The following CCDC7 variants were observed in gnomAD, a reference collection of about 807,000 sequenced individuals.
CCDC7 encodes coiled-coil domain containing 7.
A neutral mutation model predicts 196.9 loss-of-function variants in CCDC7; 183 were observed. The ratio of observed to expected loss-of-function variants is 0.93; its 90% CI spans 0.82 to 1.05. CCDC7 has a LOEUF of 1.05. Among genes scored for constraint, CCDC7 ranks in the 50% least tolerant of loss-of-function variants. The pLI is 0.00. For missense variants in CCDC7, 1,540 were observed against 1,482.2 expected (o/e 1.04, Z -0.64); for synonymous variants, 525 against 484.6 (o/e 1.08, Z -1.10).
Position 32,491,907 on chromosome 10 carries a change from C to T in CCDC7, c.797-15C>T, listed in dbSNP as rs2042214067. 1 of 1,538,718 alleles carries T rather than the reference C, an allele frequency of 6.5e-7. No homozygotes were observed. On this transcript the variant is annotated splice_polypyrimidine_tract_variant and intron_variant, in intron 8 of 41. Coordinates refer to ENST00000639629, the Ensembl canonical transcript of CCDC7. ...TTTATAAAACCTTTAACATTTTTGA[C>T]TTTTTAAATAATAGAAACTGCTCAT...
At chr10:32,636,882 C>T (rs200355261) in intron 20 of CCDC7, among the ~76,000 whole-genome samples, 59,561 of 151,786 alleles carry the variant, frequency 0.39, 11,918 homozygotes, top group East Asian at 0.58. Flanking sequence ...ACATCCTCTC[C>T]AGCACCTGTT....
intron 21 of CCDC7, among the ~76,000 whole-genome samples, chr10:32,684,586 C>T (rs1213763619): frequency 6.6e-6 from 1 of 152,190 alleles, no homozygotes; most frequent in East Asian, 1.9e-4. Flanking sequence ...CCAAGGTGGC[C>T]TCCTGGATGA....
chr10:32,710,023 C>T (rs2080556122), intron 24 of CCDC7, among the ~76,000 whole-genome samples: 1 of 152,116 alleles, frequency 6.6e-6, no homozygotes, highest in Non-Finnish European at 1.5e-5. Flanking sequence ...GTTGTCAGAA[C>T]CCAAATAGAA....
chr10:32,809,301 G>A (rs544216089), intron 30 of CCDC7, among the ~76,000 whole-genome samples: 1 of 152,240 alleles, frequency 6.6e-6, no homozygotes, highest in South Asian at 2.1e-4. Flanking sequence ...CAATGAGGTA[G>A]AAGAGAACAC....
At chr10:32,872,171 CTG>C (rs911134897) in intron 41 of CCDC7, among the ~76,000 whole-genome samples, 1 of 152,082 alleles carries the variant, frequency 6.6e-6, no homozygotes, top group Non-Finnish European at 1.5e-5. Context: ...TGTTAACTTT[CTG>C]TCTCGTTGAT....
rs12773148 is a variant in CCDC7, at chr10:32,734,578, C to G, written c.2905+5121C>G. Among the ~76,000 whole-genome samples the G allele has an allele frequency of 3.6e-4, 55 of 152,108 alleles. 1 individual carries two copies. Among genetic ancestry groups the G allele is most frequent in the Admixed American group, 7.2e-4 (11 of 15,264 alleles). On this transcript the variant is annotated intron_variant, in intron 28 of 41. Coordinates refer to ENST00000639629, the Ensembl canonical transcript of CCDC7. ...ATGTAACAAACATTCACAGATACCC[C>G]CGAACCTAAAATGAAAGTTAAAAAT...
At position 32,875,946 on chromosome 10, in the gene CCDC7, T is replaced by C. The variant is rs61856633; in HGVS notation, c.4112-401T>C. Among the ~76,000 whole-genome samples, 748 of 152,178 alleles carry C rather than the reference T, an allele frequency of 4.9e-3. 3 individuals are homozygous for C. Among genetic ancestry groups the C allele is most frequent in the Non-Finnish European group, 7.5e-3 (513 of 67,972 alleles). ...TTCCAGTGAACTGGAACTTTTTGAA[T>C]GTCTCCATTAAGACTTCTTAAAGTG... is the stretch of plus-strand genomic sequence containing the variant. On this transcript the variant is annotated intron_variant, in intron 41 of 41. Transcript: ENST00000639629.
At chr10:32,758,411 T>G (rs530736772) in intron 28 of CCDC7, among the ~76,000 whole-genome samples, 1 of 152,248 alleles carries the variant, frequency 6.6e-6, no homozygotes, top group East Asian at 1.9e-4. Flanking sequence ...ATGATCAAGT[T>G]GGCTTCATCC....
chr10:32,831,539 C>A (rs2092169967), intron 32 of CCDC7, among the ~76,000 whole-genome samples: 1 of 152,024 alleles, frequency 6.6e-6, no homozygotes, highest in Non-Finnish European at 1.5e-5. Context: ...TACAGTTGTA[C>A]AAAAATATTT....
intron 20 of CCDC7, among the ~76,000 whole-genome samples, chr10:32,654,501 C>T (rs1564981816): frequency 6.6e-6 from 1 of 152,138 alleles, no homozygotes; most frequent in East Asian, 1.9e-4. Context: ...TTGATTAGTG[C>T]ATTTCTTGGA....
intron 24 of CCDC7, among the ~76,000 whole-genome samples, chr10:32,711,295 C>G (rs1054689008): frequency 6.6e-6 from 1 of 151,844 alleles, no homozygotes; most frequent in South Asian, 2.1e-4. Context: ...ACAAATAATG[C>G]TGTAATGAAT....
At chr10:32,543,239 A>G (rs928048661) in intron 11 of CCDC7, 61 bp from the exon 13 acceptor site, 1 of 1,257,956 alleles carries the variant, frequency 7.9e-7, no homozygotes, top group Non-Finnish European at 1.0e-6. Context: ...ATATTATCAT[A>G]TCTTTCTATA....
At chr10:32,464,336 A>C (rs2036315726) in intron 5 of CCDC7, among the ~76,000 whole-genome samples, 1 of 152,164 alleles carries the variant, frequency 6.6e-6, no homozygotes, top group Non-Finnish European at 1.5e-5. Context: ...TGTTGGTTGG[A>C]ACTCCTTCAA....
At chr10:32,658,812 T>C (rs1026440102) in intron 20 of CCDC7, among the ~76,000 whole-genome samples, 1 of 152,234 alleles carries the variant, frequency 6.6e-6, no homozygotes, top group African/African-American at 2.4e-5. Context: ...TTTATACATT[T>C]GTTCTAGATT....
At chr10:32,478,275 CAG>C (rs1293045684) in intron 8 of CCDC7, among the ~76,000 whole-genome samples, 6 of 152,140 alleles carry the variant, frequency 3.9e-5, no homozygotes, top group Non-Finnish European at 7.4e-5. Context: ...ATCTAACAGA[CAG>C]TGTTACTTCT....
At chr10:32,522,151 C>G (rs1418291481) in intron 11 of CCDC7, among the ~76,000 whole-genome samples, 1 of 152,046 alleles carries the variant, frequency 6.6e-6, no homozygotes, top group African/African-American at 2.4e-5. Context: ...TTTTGAAGAG[C>G]TTTTGTCTAG....
chr10:32,640,632 T>C (rs1361584748), intron 20 of CCDC7, among the ~76,000 whole-genome samples: 1 of 152,220 alleles, frequency 6.6e-6, no homozygotes, highest in Non-Finnish European at 1.5e-5. Context: ...GGCCTGTTTT[T>C]GCAGTGGCTG....
intron 28 of CCDC7, among the ~76,000 whole-genome samples, chr10:32,744,875 T>C (rs1391382760): frequency 6.6e-6 from 1 of 152,230 alleles, no homozygotes; most frequent in Non-Finnish European, 1.5e-5. Flanking sequence ...TCATATTTTG[T>C]CTATAAAGTC....
chr10:32,631,204 G>T (rs2064812714), intron 18 of CCDC7, among the ~76,000 whole-genome samples: 1 of 152,040 alleles, frequency 6.6e-6, no homozygotes, highest in South Asian at 2.1e-4. Context: ...TTGTGCTTTT[G>T]GTGTCATATC....
Sources: allele counts gnomAD v4.1 joint callset (sites outside exome capture counted in the v4.1 genomes callset), GRCh38; gene constraint gnomAD v4.1.1; transcripts MANE v1.5; gene names NCBI Gene and HGNC (gene_info 2026-07-23, HGNC 2026-07-21).